Variants in NIPSNAP1 observed in about 807,000 individuals in gnomAD.
NIPSNAP1 encodes the protein nipsnap homolog 1, also known as protein NipSnap homolog 1.
NIPSNAP1 carries 25 observed loss-of-function variants against 49.2 expected under a neutral mutation model. The observed-to-expected ratio is 0.51, with a 90% CI of 0.37 to 0.71. The LOEUF (loss-of-function observed/expected upper bound fraction) is 0.71. Ranked by LOEUF, NIPSNAP1 falls within the 30% of genes least tolerant of loss-of-function variation. The pLI is 0.00. For synonymous variants in NIPSNAP1, 143 were observed against 140.7 expected (o/e 1.02, Z -0.12); for missense variants, 294 against 361.0 (o/e 0.81, Z 1.50).
rs141160570 is a variant in NIPSNAP1, at chr22:29,569,657, C to T, written c.273-370G>A. On this transcript the variant is annotated intron_variant, in intron 3 of 9. Coordinates refer to ENST00000216121, the MANE Select transcript of NIPSNAP1 (RefSeq NM_003634.4). ...CGCAATCTCGGCTCACTGGAACCTC[C>T]GCCTCCTGGAGACCATCTCTTAAAA... Among the ~76,000 whole-genome samples the T allele has an allele frequency of 4.3e-3, 615 of 144,518 alleles. 3 individuals are homozygous for T. Among genetic ancestry groups the T allele is most frequent in the African/African-American group, 0.015 (585 of 38,608 alleles). The allele number at this position is 144,518 out of a possible 152,430, so 94.8% of individuals were successfully genotyped here.
chr22:29,576,493 C>G (rs1216912469), intron 1 of NIPSNAP1, among the ~76,000 whole-genome samples: 2 of 151,498 alleles, frequency 1.3e-5, no homozygotes, highest in Non-Finnish European at 2.9e-5. Context: ...TCTGTTGTAT[C>G]CCTGCTGTAT....
chr22:29,558,874 A>G lies in NIPSNAP1; in HGVS notation c.786T>C (p.Tyr262=). 6.2e-7 allele frequency: 1 copy of G among 1,612,494 alleles called. No individual in the cohort carries two copies. Among genetic ancestry groups the G allele is most frequent in the South Asian group, 1.1e-5 (1 of 91,052 alleles). Residue 262 remains tyrosine (Y), a synonymous_variant, in exon 9 of 10, where the codon TAT becomes TAC. Coordinates refer to ENST00000216121, the MANE Select transcript of NIPSNAP1 (RefSeq NM_003634.4). ...ACCTCCAAAGGCTTCACTCACCTGT[A>G]TAGTAGACATTTTCATCCCAGCCTC... The part of the protein sequence containing the change: ...RKRGWDENVY[Y]TVPLVRHMES...
Position 29,569,292 on chromosome 22 carries a change from G to C in NIPSNAP1, c.273-5C>G, listed in dbSNP as rs1386706874. 3 of 1,610,866 alleles carry C rather than the reference G, an allele frequency of 1.9e-6. No individual in the cohort carries two copies. Among genetic ancestry groups the C allele is most frequent in the South Asian group, 1.1e-5 (1 of 90,958 alleles). On this transcript the variant is annotated splice_polypyrimidine_tract_variant and splice_region_variant and intron_variant, in intron 3 of 9. Coordinates refer to ENST00000216121, the MANE Select transcript of NIPSNAP1 (RefSeq NM_003634.4). ...AGCTTGGGCAGCACAGCCTCCCTGT[G>C]GGGGAGGTGCAGAGAGGGGCAGGGT...
chr22:29,563,152 G>A (rs5752943), intron 4 of NIPSNAP1, among the ~76,000 whole-genome samples: 1 of 151,884 alleles, frequency 6.6e-6, no homozygotes, highest in East Asian at 2.0e-4. Flanking sequence ...TATAATCCCA[G>A]TTACTCGGGA....
At chr22:29,575,849 G>C (rs1219617394) in intron 1 of NIPSNAP1, among the ~76,000 whole-genome samples, 1 of 151,844 alleles carries the variant, frequency 6.6e-6, no homozygotes, top group Non-Finnish European at 1.5e-5. Context: ...CAAGTAGCTG[G>C]GACTACAGGC....
chr22:29,580,965 C>T lies in NIPSNAP1; in HGVS notation c.98+20G>A. 1 of 1,525,856 alleles carries T rather than the reference C, an allele frequency of 6.6e-7. No individual in the cohort carries two copies. The allele number at this position is 1,525,856 out of a possible 1,614,324, so 94.5% of individuals were successfully genotyped here. A position where few individuals can be genotyped will look rare whatever the true frequency, so the allele number is the denominator to read the frequency against. On this transcript the variant is annotated intron_variant, in intron 1 of 9. Transcript: ENST00000216121. ...CACCCCACCCCGCGCGCGTCTATCC[C>T]TGCCTGGCCGGGCTCTCACCGCGCC...
At chr22:29,577,993 G>A (rs2064467724) in intron 1 of NIPSNAP1, among the ~76,000 whole-genome samples, 1 of 148,156 alleles carries the variant, frequency 6.7e-6, no homozygotes, top group African/African-American at 2.6e-5. Flanking sequence ...CCACCTCCCT[G>A]GTTTAAGCGA....
At chr22:29,575,923 AG>A (rs2064448562) in intron 1 of NIPSNAP1, among the ~76,000 whole-genome samples, 1 of 151,972 alleles carries the variant, frequency 6.6e-6, no homozygotes, top group East Asian at 1.9e-4. Context: ...CATGTTAGCC[AG>A]GCTGGTCTCG....
In NIPSNAP1 at chr22:29,569,042, G is replaced by A. The variant is rs916588158; in HGVS notation, c.367+151C>T. The A allele has an allele frequency of 1.1e-5, 8 of 697,702 alleles. No individual in the cohort carries two copies. The African/African-American group carries it at 1.4e-4, about 12-fold the overall frequency. The allele number at this position is 697,702 out of a possible 1,614,324, so 43.2% of individuals were successfully genotyped here. On this transcript the variant is annotated intron_variant, in intron 4 of 9. Transcript: ENST00000216121. ...TTGAGGGCACAGGGGAGCCAGGACA[G>A]GTATTTGAGCAGGGGAGTGAGGTGA...
intron 4 of NIPSNAP1, among the ~76,000 whole-genome samples, chr22:29,566,176 G>A (rs990803727): frequency 6.7e-6 from 1 of 148,890 alleles, no homozygotes; most frequent in African/African-American, 2.5e-5. Flanking sequence ...TTTTTAATAT[G>A]TATTTTCTTT....
chr22:29,578,043 C>T (rs959282999), intron 1 of NIPSNAP1, among the ~76,000 whole-genome samples: 12 of 150,798 alleles, frequency 8.0e-5, no homozygotes, highest in Admixed American at 7.3e-4. Context: ...GGATTACAGG[C>T]GCACACACCA....
intron 1 of NIPSNAP1, among the ~76,000 whole-genome samples, chr22:29,570,883 C>T (rs2064403263): frequency 6.6e-6 from 1 of 152,030 alleles, no homozygotes; most frequent in East Asian, 1.9e-4. Flanking sequence ...GGATCAACCC[C>T]AAATCCACCT....
At chr22:29,571,966 T>C (rs1160241933) in intron 1 of NIPSNAP1, among the ~76,000 whole-genome samples, 1 of 151,920 alleles carries the variant, frequency 6.6e-6, no homozygotes, top group Admixed American at 6.6e-5. Context: ...ACAATACAAA[T>C]ACTCGGCTGC....
At chr22:29,573,939 AAAAAC>A (rs695343) in intron 1 of NIPSNAP1, among the ~76,000 whole-genome samples, 17 of 148,308 alleles carry the variant, frequency 1.1e-4, no homozygotes, top group South Asian at 6.5e-4. Context: ...CCCTGTCTCA[AAAAAC>A]AAAACAAAAC....
intron 4 of NIPSNAP1, among the ~76,000 whole-genome samples, chr22:29,568,549 T>C (rs912542912): frequency 6.6e-5 from 10 of 150,834 alleles, no homozygotes; most frequent in African/African-American, 2.4e-4. Context: ...TCCCAGCACT[T>C]TGGGAGGCTG....
At chr22:29,568,217 G>A (rs1165717953) in intron 4 of NIPSNAP1, among the ~76,000 whole-genome samples, 1 of 144,090 alleles carries the variant, frequency 6.9e-6, no homozygotes, top group Non-Finnish European at 1.5e-5. Context: ...GGGAGTGGTG[G>A]CTCACTCCTG....
At chr22:29,562,473 C>T (rs1468852293) in intron 4 of NIPSNAP1, among the ~76,000 whole-genome samples, 1 of 151,942 alleles carries the variant, frequency 6.6e-6, no homozygotes, top group Non-Finnish European at 1.5e-5. Context: ...CAGCATTTTG[C>T]GGGGCTGAGG....
intron 4 of NIPSNAP1, among the ~76,000 whole-genome samples, chr22:29,567,943 C>T (rs1004647179): frequency 3.3e-5 from 5 of 151,704 alleles, no homozygotes; most frequent in Admixed American, 2.0e-4. Context: ...TTTGGGAGGC[C>T]GAGGAGGTAG....
chr22:29,560,943 G>A, intron 7 of NIPSNAP1, 115 bp from the exon 8 acceptor site: 1 of 1,051,740 alleles, frequency 9.5e-7, no homozygotes, highest in South Asian at 1.3e-5. Flanking sequence ...CGGTCCTCCG[G>A]GATGCTGAGA....
Sources: gnomAD v4.1 joint callset for allele counts (sites outside exome capture counted in the v4.1 genomes callset) on GRCh38, gnomAD v4.1.1 for gene constraint, MANE v1.5 for transcripts, NCBI Gene and HGNC (gene_info 2026-07-23, HGNC 2026-07-21) for gene names.